Variants in SH3D19 observed in about 807,000 individuals in gnomAD.
SH3D19 encodes SH3 domain containing 19, also known as SH3 domain-containing protein 19.
In SH3D19, 58 loss-of-function variants were observed where a neutral mutation model predicts 112.1. That is an observed-to-expected ratio of 0.52 (90% CI 0.42 to 0.64). The LOEUF (loss-of-function observed/expected upper bound fraction) is 0.64. SH3D19 is among the 30% of genes least tolerant of loss of function. SH3D19 has a pLI of 0.00. For synonymous variants in SH3D19, 391 were observed against 448.5 expected (o/e 0.87, Z 1.62); for missense variants, 1,090 against 1,263.4 (o/e 0.86, Z 2.08).
chr4:151,216,919 G>GTGTGTGTC (rs1767214610), intron 2 of SH3D19, among the ~76,000 whole-genome samples: 1 of 147,238 alleles, frequency 6.8e-6, no homozygotes, highest in Non-Finnish European at 1.5e-5. Context: ...GTGTGTGTGT[G>GTGTGTGTC]TGTGTGTATT....
chr4:151,201,523 C>T (rs1764385308), intron 2 of SH3D19, among the ~76,000 whole-genome samples: 1 of 152,148 alleles, frequency 6.6e-6, no homozygotes, highest in African/African-American at 2.4e-5. Context: ...AAAGAGATTA[C>T]AGTTAAGTAC....
At chr4:151,288,149 C>CA (rs1192716134) in intron 1 of SH3D19, among the ~76,000 whole-genome samples, 2 of 151,478 alleles carry the variant, frequency 1.3e-5, no homozygotes, top group Non-Finnish European at 2.9e-5. Flanking sequence ...AGTGCAACTA[C>CA]AAAAAAACCC....
chr4:151,127,639 A>C lies in SH3D19; in HGVS notation c.3006T>G (p.Asn1002Lys), dbSNP rs1749697087. The C allele has an allele frequency of 1.2e-6, 2 of 1,602,620 alleles. No individual in the cohort carries two copies. Among genetic ancestry groups the C allele is most frequent in the East Asian group, 4.5e-5 (2 of 44,404 alleles). Residue 1002 changes from asparagine to lysine, a missense_variant, in exon 19 of 20, where the codon AAT (asparagine) becomes AAG (lysine). Transcript: ENST00000604030. ...TGACCTTGAAGGAAAGTTCATCTTC[A>C]TTCTCCCCTCGGAAATCATATAAGG... is the stretch of plus-strand genomic sequence containing the variant. ...AKALYDFRGE[N>K]EDELSFKAGD... is the part of the protein sequence containing the mutation.
rs764046126 is a variant in SH3D19, at chr4:151,122,101, T to C, written c.3134A>G (p.Gln1045Arg). ...AGACAAGCTTCTCCTCTAGCTGATC[T>C]GTAGAAACTGTATGTAGTTTTTGGG... ...IFPKNYIQFLQIS is the reference protein window; with the variant it reads ...IFPKNYIQFLRIS The change falls in exon 20 of 20, where the codon CAG becomes CGG. Residue 1045 changes from glutamine (Q) to arginine (R), a missense_variant. Physicochemically the swap from Gln to Arg is conservative, Grantham distance 43 (BLOSUM62 1). Transcript: ENST00000604030. 2 of 1,562,886 alleles carry C rather than the reference T, an allele frequency of 1.3e-6. No individual in the cohort carries two copies. The highest frequency in any genetic ancestry group is 2.7e-5 in the African/African-American group (2 of 74,056).
chr4:151,276,391 T>C (rs1408634826), intron 1 of SH3D19, among the ~76,000 whole-genome samples: 1 of 152,034 alleles, frequency 6.6e-6, no homozygotes, highest in Non-Finnish European at 1.5e-5. Flanking sequence ...CTGCTGACAG[T>C]TCACAGCTAA....
intron 9 of SH3D19, among the ~76,000 whole-genome samples, chr4:151,151,887 AG>A (rs1406778647): frequency 6.6e-6 from 1 of 152,226 alleles, no homozygotes; most frequent in Non-Finnish European, 1.5e-5. Flanking sequence ...ACCTTGATAA[AG>A]AAAATTTAAA....
In SH3D19 at chr4:151,121,062, AC is replaced by A. The variant is rs1425050626; in HGVS notation, c.*1028del. On this transcript the variant is annotated 3_prime_UTR_variant, in exon 20 of 20. Coordinates refer to ENST00000604030, the MANE Select transcript of SH3D19 (RefSeq NM_001378122.1). ...AGGGATAAGCTAGAGAAAAAATAAA[AC>A]AAAAAAGTACCAGTCTTCTGTCCTC... 1 of 152,630 alleles carries A rather than the reference AC, an allele frequency of 6.6e-6. No homozygotes were observed. The highest frequency in any genetic ancestry group is 1.5e-5 in the Non-Finnish European group (1 of 68,044). 9.5% of individuals were successfully genotyped at this position (152,630 alleles called of 1,614,324 possible). A position where few individuals can be genotyped will look rare whatever the true frequency, so the allele number is the denominator to read the frequency against.
At chr4:151,192,125 G>T (rs1419384385) in intron 2 of SH3D19, among the ~76,000 whole-genome samples, 4 of 151,246 alleles carry the variant, frequency 2.6e-5, no homozygotes, top group African/African-American at 9.7e-5. Context: ...TTTTAGTAGA[G>T]ATGGGGTTTC....
chr4:151,225,457 T>C (rs1455760897), intron 2 of SH3D19, among the ~76,000 whole-genome samples: 2 of 152,272 alleles, frequency 1.3e-5, no homozygotes, highest in East Asian at 1.9e-4. Context: ...CTCAGTGTGG[T>C]TGAGAGCTTA....
chr4:151,213,679 A>ATTT (rs1561354169), intron 2 of SH3D19, among the ~76,000 whole-genome samples: 15 of 149,812 alleles, frequency 1.0e-4, no homozygotes, highest in African/African-American at 3.7e-4. Context: ...TTAATTAATT[A>ATTT]ATTAATTAAT....
intron 3 of SH3D19, among the ~76,000 whole-genome samples, chr4:151,183,103 T>C (rs1293485219): frequency 1.3e-5 from 2 of 151,700 alleles, no homozygotes; most frequent in Admixed American, 6.6e-5. Flanking sequence ...GCGATTCTCC[T>C]GCCTCATCCT....
chr4:151,226,993 G>A (rs79226226), intron 1 of SH3D19, among the ~76,000 whole-genome samples: 1,566 of 152,152 alleles, frequency 0.01, 11 homozygotes, highest in Non-Finnish European at 0.015. Context: ...GTAAAAGGCC[G>A]CAGTGTTATG....
chr4:151,149,435 G>T, intron 10 of SH3D19, 65 bp downstream of exon 10: 1 of 1,298,892 alleles, frequency 7.7e-7, no homozygotes, highest in Non-Finnish European at 1.1e-6. Flanking sequence ...CTCAATCTTG[G>T]TGATAAAAAA....
intron 1 of SH3D19, among the ~76,000 whole-genome samples, chr4:151,299,115 T>C (rs753522765): frequency 6.6e-6 from 1 of 152,248 alleles, no homozygotes. Flanking sequence ...TAGTTTATGA[T>C]AACAGAAAGC....
chr4:151,255,153 GGT>G (rs996144751), intron 1 of SH3D19, among the ~76,000 whole-genome samples: 17 of 151,828 alleles, frequency 1.1e-4, no homozygotes, highest in African/African-American at 4.1e-4. Context: ...TCCCAGACGG[GGT>G]GGCTGCCGGG....
At chr4:151,294,696 T>C (rs1431706415) in intron 1 of SH3D19, among the ~76,000 whole-genome samples, 1 of 152,198 alleles carries the variant, frequency 6.6e-6, no homozygotes, top group African/African-American at 2.4e-5. Flanking sequence ...ATTCCAGGCA[T>C]GGAGGACACT....
chr4:151,291,275 A>G (rs1775311092), intron 1 of SH3D19: 1 of 1,613,928 alleles, frequency 6.2e-7, no homozygotes, highest in African/African-American at 1.3e-5. Flanking sequence ...TCAAGAGCCA[A>G]CAATCTAGAC....
chr4:151,324,037 T>C (rs980216803), intron 1 of SH3D19, among the ~76,000 whole-genome samples: 13 of 152,206 alleles, frequency 8.5e-5, no homozygotes, highest in Non-Finnish European at 2.9e-5. Context: ...AAGGTTTGGG[T>C]TTACACTGAA....
At chr4:151,306,885 C>T (rs966885201) in intron 1 of SH3D19, among the ~76,000 whole-genome samples, 1 of 152,176 alleles carries the variant, frequency 6.6e-6, no homozygotes, top group African/African-American at 2.4e-5. Flanking sequence ...GGCTCTGCAT[C>T]CCATGTCACT....
Sources: gnomAD v4.1 joint callset for allele counts (sites outside exome capture counted in the v4.1 genomes callset) on GRCh38, gnomAD v4.1.1 for gene constraint, MANE v1.5 for transcripts, NCBI Gene and HGNC (gene_info 2026-07-23, HGNC 2026-07-21) for gene names.